SOX6: variants seen among roughly 807,000 people sequenced by gnomAD.
SOX6 encodes SRY-box transcription factor 6.
In SOX6, 11 loss-of-function variants were observed where a neutral mutation model predicts 97.8. The observed-to-expected ratio is 0.11, with a 90% CI of 0.07 to 0.19. SOX6 has a LOEUF of 0.19. SOX6 is among the 10% of genes least tolerant of loss of function. SOX6 has a pLI of 1.00. For missense variants in SOX6, 810 were observed against 1,039.5 expected, an observed-to-expected ratio of 0.78 and a Z score of 3.04; for synonymous variants, 360 against 371.4, an observed-to-expected ratio of 0.97 and a Z score of 0.35.
chr11:16,356,770 A>T (rs1220856883), upstream of SOX6, among the ~76,000 whole-genome samples: 1 of 152,122 alleles, frequency 6.6e-6, no homozygotes, highest in Non-Finnish European at 1.5e-5. Flanking sequence ...ATTTATAAAG[A>T]TAGTTTCTTC....
chr11:16,229,532 C>T (rs762206147), intron 4 of SOX6, among the ~76,000 whole-genome samples: 3 of 151,620 alleles, frequency 2.0e-5, no homozygotes, highest in African/African-American at 4.8e-5. Context: ...AAACCACTAG[C>T]AAGTAAAATT....
At chr11:16,658,852 A>T (rs911768360) in intron 3 of SOX6, among the ~76,000 whole-genome samples, 3 of 152,254 alleles carry the variant, frequency 2.0e-5, no homozygotes, top group Non-Finnish European at 4.4e-5. Flanking sequence ...TTGAAAACTC[A>T]TTAAGAGTAT....
At chr11:16,029,887 T>C (rs953121189) in intron 12 of SOX6, among the ~76,000 whole-genome samples, 1 of 152,194 alleles carries the variant, frequency 6.6e-6, no homozygotes, top group Non-Finnish European at 1.5e-5. Context: ...TATTTAACTC[T>C]ACTGCATATA....
At chr11:16,597,178 T>G (rs1175340547) in intron 4 of SOX6, among the ~76,000 whole-genome samples, 2 of 152,090 alleles carry the variant, frequency 1.3e-5, no homozygotes, top group African/African-American at 4.8e-5. Flanking sequence ...CTTTAAAGGC[T>G]GACGAGTACT....
At chr11:16,537,229 A>G (rs1861324145) in intron 4 of SOX6, among the ~76,000 whole-genome samples, 1 of 152,188 alleles carries the variant, frequency 6.6e-6, no homozygotes. Context: ...ACCTATAGCA[A>G]AGGGGCCTGT....
intron 6 of SOX6, among the ~76,000 whole-genome samples, chr11:16,142,372 C>T (rs549264085): frequency 6.6e-6 from 1 of 152,154 alleles, no homozygotes; most frequent in African/African-American, 2.4e-5. Context: ...CATCAAAGAC[C>T]AAAGGTAGAT....
intron 1 of SOX6, among the ~76,000 whole-genome samples, chr11:16,387,831 C>G (rs1021475322): frequency 1.3e-5 from 2 of 152,082 alleles, no homozygotes; most frequent in African/African-American, 4.8e-5. Context: ...TTGATCCCCA[C>G]CTACTTAATA....
intron 6 of SOX6, among the ~76,000 whole-genome samples, chr11:16,183,467 T>C (rs1286066473): frequency 6.6e-6 from 1 of 151,980 alleles, no homozygotes. Flanking sequence ...TAACAGCCTT[T>C]TTCCAGATTT....
rs569431045 is a variant in SOX6, at chr11:16,541,896, G to A, written n.610-65508C>T. 1.8e-4 allele frequency among the ~76,000 whole-genome samples: 27 copies of A among 152,296 alleles called. No homozygotes were observed. In the Middle Eastern group the frequency reaches 0.014, roughly 77 times the overall value. ...GTAAATTAGTTCAACCATTGTGGGAGACAGTGTGACGATTCCTCAAGGATC... is the reference window on the plus strand; with the variant it reads ...GTAAATTAGTTCAACCATTGTGGGAAACAGTGTGACGATTCCTCAAGGATC... On this transcript the variant is annotated intron_variant and non_coding_transcript_variant, in intron 4 of 5. Transcript: ENST00000524520.
chr11:16,333,535 A>C (rs1335419400), intron 2 of SOX6, among the ~76,000 whole-genome samples: 1 of 152,056 alleles, frequency 6.6e-6, no homozygotes, highest in Non-Finnish European at 1.5e-5. Context: ...TAATCAGGAA[A>C]TTATTAGTGT....
chr11:16,250,942 T>A (rs913191748), intron 3 of SOX6, among the ~76,000 whole-genome samples: 2 of 152,072 alleles, frequency 1.3e-5, no homozygotes, highest in African/African-American at 4.8e-5. Flanking sequence ...CTAAACAAAT[T>A]TTAAAACCAT....
At chr11:16,711,338 G>C (rs530981033) in intron 3 of SOX6, among the ~76,000 whole-genome samples, 1 of 152,078 alleles carries the variant, frequency 6.6e-6, no homozygotes, top group Non-Finnish European at 1.5e-5. Flanking sequence ...AGACTAGCCT[G>C]GGCAACATGA....
chr11:16,181,464 G>T (rs1851344429), intron 6 of SOX6, among the ~76,000 whole-genome samples: 1 of 147,970 alleles, frequency 6.8e-6, no homozygotes, highest in Non-Finnish European at 1.5e-5. Context: ...ATTTTGCTCA[G>T]AAAGCATTTA....
At chr11:16,094,857 A>G (rs1848761157) in intron 9 of SOX6, among the ~76,000 whole-genome samples, 1 of 151,870 alleles carries the variant, frequency 6.6e-6, no homozygotes, top group Non-Finnish European at 1.5e-5. Context: ...GAGGCAGTTA[A>G]CAAGCTCTGG....
At chr11:16,013,292 A>G (rs1029581546) in intron 13 of SOX6, among the ~76,000 whole-genome samples, 5 of 152,062 alleles carry the variant, frequency 3.3e-5, no homozygotes, top group Non-Finnish European at 5.9e-5. Flanking sequence ...ATGGTCAACA[A>G]TTTAGGTACT....
intron 2 of SOX6, among the ~76,000 whole-genome samples, chr11:16,335,753 G>A (rs1477785460): frequency 6.6e-6 from 1 of 152,130 alleles, no homozygotes; most frequent in Middle Eastern, 3.2e-3. Flanking sequence ...GTCCACACCA[G>A]CAATTTTATG....
intron 4 of SOX6, among the ~76,000 whole-genome samples, chr11:16,222,479 G>T (rs1224828780): frequency 6.6e-6 from 1 of 152,104 alleles, no homozygotes; most frequent in African/African-American, 2.4e-5. Context: ...TTCCCAAAGT[G>T]CTGGGATTAC....
intron 3 of SOX6, among the ~76,000 whole-genome samples, chr11:16,658,660 A>G (rs530462281): frequency 6.6e-6 from 1 of 152,058 alleles, no homozygotes; most frequent in East Asian, 1.9e-4. Context: ...GTGAGCCGAG[A>G]TCAAGCCACT....
chr11:16,709,740 T>A (rs1032504605), intron 3 of SOX6, among the ~76,000 whole-genome samples: 18 of 152,192 alleles, frequency 1.2e-4, no homozygotes, highest in African/African-American at 4.1e-4. Context: ...AAAGCAAAAA[T>A]AGCCTAACAC....
Sources: gnomAD v4.1 joint callset for allele counts (sites outside exome capture counted in the v4.1 genomes callset) on GRCh38, gnomAD v4.1.1 for gene constraint, MANE v1.5 for transcripts, NCBI Gene and HGNC (gene_info 2026-07-23, HGNC 2026-07-21) for gene names.